The following SLC6A17 variants were observed in gnomAD, a reference collection of about 807,000 sequenced individuals.
SLC6A17 encodes the protein sodium-dependent neutral amino acid transporter SLC6A17.
A neutral mutation model predicts 64.5 loss-of-function variants in SLC6A17; 21 were observed. The observed-to-expected ratio is 0.33, with a 90% CI of 0.23 to 0.47. SLC6A17 has a LOEUF of 0.47. SLC6A17 is among the 20% of genes least tolerant of loss of function. The pLI, the probability that SLC6A17 is intolerant of heterozygous loss-of-function variation, is 1.00. For synonymous variants in SLC6A17, 372 were observed against 399.5 expected, an observed-to-expected ratio of 0.93 and a Z score of 0.82; for missense variants, 682 against 963.2, an observed-to-expected ratio of 0.71 and a Z score of 3.86.
intron 2 of SLC6A17, among the ~76,000 whole-genome samples, chr1:110,168,849 C>G (rs889957050): frequency 6.6e-6 from 1 of 152,210 alleles, no homozygotes; most frequent in African/African-American, 2.4e-5. Flanking sequence ...TCTGATTGTT[C>G]ACAGTGACAC....
chr1:110,156,086 C>G (rs1655752720), intron 1 of SLC6A17, among the ~76,000 whole-genome samples: 1 of 152,170 alleles, frequency 6.6e-6, no homozygotes, highest in Admixed American at 6.5e-5. Context: ...CGCAGAATAG[C>G]CCGGTGGGCG....
At chr1:110,182,550 G>A (rs893334238) in intron 6 of SLC6A17, among the ~76,000 whole-genome samples, 5 of 151,912 alleles carry the variant, frequency 3.3e-5, no homozygotes, top group Admixed American at 6.6e-5. Context: ...GAGCACTGGG[G>A]CCCTGGTGTT....
rs76361997 is a variant in SLC6A17, at chr1:110,171,481, A to G, written c.287-579A>G. Among the ~76,000 whole-genome samples, 1,063 of 152,166 alleles carry G rather than the reference A, an allele frequency of 7.0e-3. 21 individuals carry two copies. The highest frequency in any genetic ancestry group is 0.024 in the African/African-American group (985 of 41,510). On this transcript the variant is annotated intron_variant, in intron 2 of 11. Coordinates refer to ENST00000331565, the MANE Select transcript of SLC6A17 (RefSeq NM_001010898.4). ...TTCCTGAACTGCTAATTTCTCTCCC[A>G]TTCCTCTCAATTAGCTGTAGATTAG...
intron 11 of SLC6A17, 98 bp downstream of exon 11, chr1:110,197,697 G>A: frequency 4.4e-6 from 6 of 1,369,376 alleles, no homozygotes; most frequent in Non-Finnish European, 5.8e-6. Flanking sequence ...CAGCTGCTAT[G>A]TGCCAGGCCT....
At chr1:110,165,765 C>G (rs1208615844) in intron 1 of SLC6A17, among the ~76,000 whole-genome samples, 1 of 152,040 alleles carries the variant, frequency 6.6e-6, no homozygotes, top group Non-Finnish European at 1.5e-5. Flanking sequence ...ACAAACGGAG[C>G]CCAGCTTCCA....
Position 110,166,900 on chromosome 1 carries a change from G to C in SLC6A17, c.-30G>C. 2 of 1,575,108 alleles carry C rather than the reference G, an allele frequency of 1.3e-6. No homozygotes were observed. The highest frequency in any genetic ancestry group is 1.7e-6 in the Non-Finnish European group (2 of 1,156,138). ...AATTCCATCTTCTCTGTGTGCTGGG[G>C]AGCAGGGCTACACGGCCCAGGTGGC... On this transcript the variant is annotated 5_prime_UTR_variant, in exon 2 of 12. Transcript: ENST00000331565.
At chr1:110,158,753 G>C (rs767789293) in intron 1 of SLC6A17, among the ~76,000 whole-genome samples, 36 of 152,328 alleles carry the variant, frequency 2.4e-4, no homozygotes, top group Non-Finnish European at 4.4e-4. Flanking sequence ...TGAGAGTCAG[G>C]CTCCAGGGTC....
rs1480660013 is a variant in SLC6A17 at position 110,198,354 on chromosome 1, C to A, written c.2094C>A (p.Gly698=). Reference sequence around the variant, plus strand: ...CTCACCGTTCCTATCTGGGGCCCGGCAGCACATCACCCCTGGAGACCAGCG... The same window carrying A: ...CTCACCGTTCCTATCTGGGGCCCGGAAGCACATCACCCCTGGAGACCAGCG... ...MPTHRSYLGP[G]STSPLETSGN... The change falls in exon 12 of 12, where the codon GGC becomes GGA. Residue 698 remains glycine (G), a synonymous_variant. Coordinates refer to ENST00000331565, the MANE Select transcript of SLC6A17 (RefSeq NM_001010898.4). 5 of 1,614,078 alleles carry A rather than the reference C, an allele frequency of 3.1e-6. No individual in the cohort carries two copies. Among genetic ancestry groups the A allele is most frequent in the Non-Finnish European group, 4.2e-6 (5 of 1,180,036 alleles).
rs772713492 is a variant in SLC6A17, at chr1:110,192,251, G to A, written c.1106+38G>A. 1 of 1,584,732 alleles carries A rather than the reference G, an allele frequency of 6.3e-7. No homozygotes were observed. Among genetic ancestry groups the A allele is most frequent in the East Asian group, 2.2e-5 (1 of 44,544 alleles). ...TCTCCTCCTGTCCCTCCTTCTCCCTGTCTACCTTACCTGGGAGTGGGCAGG... is the reference window on the plus strand; with the variant it reads ...TCTCCTCCTGTCCCTCCTTCTCCCTATCTACCTTACCTGGGAGTGGGCAGG... On this transcript the variant is annotated intron_variant, in intron 7 of 11. Transcript: ENST00000331565. The surrounding 1 kb of genome is among the most constrained non-coding windows in gnomAD (Gnocchi z 4.3).
chr1:110,162,118 C>T (rs868750634), intron 1 of SLC6A17, among the ~76,000 whole-genome samples: 3 of 152,230 alleles, frequency 2.0e-5, no homozygotes, highest in African/African-American at 4.8e-5. Context: ...GCACTCCTTT[C>T]AGAGAGTACC....
At chr1:110,189,855 G>A (rs1009466265) in intron 6 of SLC6A17, among the ~76,000 whole-genome samples, 4 of 152,160 alleles carry the variant, frequency 2.6e-5, no homozygotes, top group Non-Finnish European at 5.9e-5. Flanking sequence ...CTTCTTCTGG[G>A]AAGCCTTGCC....
chr1:110,169,693 C>T (rs1352117081), intron 2 of SLC6A17, among the ~76,000 whole-genome samples: 1 of 152,224 alleles, frequency 6.6e-6, no homozygotes, highest in African/African-American at 2.4e-5. Flanking sequence ...AATCTCCTAA[C>T]ATCCTGAACA....
chr1:110,193,039 GT>G (rs1470685307), intron 8 of SLC6A17, among the ~76,000 whole-genome samples: 2 of 152,202 alleles, frequency 1.3e-5, no homozygotes, highest in Non-Finnish European at 2.9e-5. Context: ...TTGACATGGT[GT>G]GCATCAAAGA....
chr1:110,160,334 G>A (rs1341432445), intron 1 of SLC6A17, among the ~76,000 whole-genome samples: 1 of 152,248 alleles, frequency 6.6e-6, no homozygotes, highest in Non-Finnish European at 1.5e-5. Context: ...CAAATGTGAG[G>A]CAGTAGTAAG....
In SLC6A17 at chr1:110,189,865, C is replaced by T. The variant is rs142996506; in HGVS notation, c.865-2107C>T. Reference sequence around the variant, plus strand: ...GACCCCTTCTTCTGGGAAGCCTTGCCTGGCCTCCCAACTTGTTCAGATCCC... The same window carrying T: ...GACCCCTTCTTCTGGGAAGCCTTGCTTGGCCTCCCAACTTGTTCAGATCCC... On this transcript the variant is annotated intron_variant, in intron 6 of 11. Transcript: ENST00000331565. 4.5e-4 allele frequency among the ~76,000 whole-genome samples: 68 copies of T among 152,372 alleles called. 1 individual carries two copies. The East Asian group carries it at 9.5e-3, about 21-fold the overall frequency.
At chr1:110,156,743 G>A (rs1301728242) in intron 1 of SLC6A17, among the ~76,000 whole-genome samples, 1 of 152,156 alleles carries the variant, frequency 6.6e-6, no homozygotes, top group Non-Finnish European at 1.5e-5. Context: ...AAGCTGCACT[G>A]GAGGCTGATG....
intron 6 of SLC6A17, chr1:110,177,980 C>T (rs539193268): frequency 1.3e-5 from 2 of 152,324 alleles, no homozygotes; most frequent in East Asian, 1.9e-4. Flanking sequence ...TTATGAAGCA[C>T]TTAATGAATC....
intron 6 of SLC6A17, among the ~76,000 whole-genome samples, chr1:110,182,443 A>G (rs1656556099): frequency 6.6e-6 from 1 of 152,034 alleles, no homozygotes; most frequent in South Asian, 2.1e-4. Flanking sequence ...TCAGGTGTGG[A>G]GGTCTACATT....
In SLC6A17 at chr1:110,172,109, C is replaced by G; in HGVS notation, c.336C>G (p.Pro112=). 6.2e-7 allele frequency: 1 copy of G among 1,614,132 alleles called. No individual in the cohort carries two copies. Among genetic ancestry groups the G allele is most frequent in the South Asian group, 1.1e-5 (1 of 91,064 alleles). The part of the protein sequence containing the change: ...YLVLLIIIGI[P]LFFLELAVGQ... ...TGCTGCTGATCATCATCGGGATCCCCCTCTTCTTCCTGGAGCTGGCTGTGG... is the reference window on the plus strand; with the variant it reads ...TGCTGCTGATCATCATCGGGATCCCGCTCTTCTTCCTGGAGCTGGCTGTGG... The change falls in exon 3 of 12, where the codon CCC becomes CCG. Residue 112 remains proline, a synonymous_variant. Coordinates refer to ENST00000331565, the MANE Select transcript of SLC6A17 (RefSeq NM_001010898.4).
Sources: allele counts gnomAD v4.1 joint callset (sites outside exome capture counted in the v4.1 genomes callset), GRCh38; gene constraint gnomAD v4.1.1; non-coding constraint Gnocchi (gnomAD v3.1); transcripts MANE v1.5; gene names NCBI Gene and HGNC (gene_info 2026-07-23, HGNC 2026-07-21).